Variants in SLC24A2 observed in about 807,000 individuals in gnomAD.
SLC24A2 encodes the protein sodium/potassium/calcium exchanger 2.
SLC24A2 carries 36 observed loss-of-function variants against 62.0 expected under a neutral mutation model. That is an observed-to-expected ratio of 0.58 (90% CI 0.44 to 0.77). SLC24A2 has a LOEUF of 0.77. Ranked by LOEUF, SLC24A2 falls within the 30% of genes least tolerant of loss-of-function variation. The pLI is 0.00. For synonymous variants in SLC24A2, 358 were observed against 294.0 expected, an observed-to-expected ratio of 1.22 and a Z score of -2.23; for missense variants, 846 against 817.9, an observed-to-expected ratio of 1.03 and a Z score of -0.42.
the SLC24A2 span, among the ~76,000 whole-genome samples, chr9:20,105,927 T>C: frequency 4.0e-5 from 6 of 151,688 alleles, no homozygotes; most frequent in Admixed American, 3.9e-4. Context: ...TTTGAAAGGA[T>C]CAACAAAATT....
At chr9:20,065,352 A>G in the SLC24A2 span, among the ~76,000 whole-genome samples, 1 of 152,188 alleles carries the variant, frequency 6.6e-6, no homozygotes, top group Non-Finnish European at 1.5e-5. Flanking sequence ...ACAGGTTCCC[A>G]TCTCATCCAG....
chr9:20,114,322 C>T, the SLC24A2 span, among the ~76,000 whole-genome samples: 2 of 152,226 alleles, frequency 1.3e-5, no homozygotes, highest in South Asian at 4.2e-4. Flanking sequence ...TGTGGAAAAA[C>T]CTTATGACAC....
the SLC24A2 span, among the ~76,000 whole-genome samples, chr9:20,096,109 G>A: frequency 8.9e-5 from 13 of 146,624 alleles, no homozygotes; most frequent in East Asian, 5.9e-4. Context: ...CCGTCCGTCC[G>A]TCCGTCCGTC....
chr9:19,912,734 A>G, the SLC24A2 span, among the ~76,000 whole-genome samples: 1 of 152,162 alleles, frequency 6.6e-6, no homozygotes, highest in Non-Finnish European at 1.5e-5. Flanking sequence ...CCAGTGGTGG[A>G]TACTATCCCA....
the SLC24A2 span, among the ~76,000 whole-genome samples, chr9:20,094,421 G>A: frequency 6.6e-6 from 1 of 152,288 alleles, no homozygotes; most frequent in Admixed American, 6.5e-5. Flanking sequence ...GCGAGTATTT[G>A]TGGTCAACGA....
At chr9:19,814,158 C>A in the SLC24A2 span, among the ~76,000 whole-genome samples, 1 of 152,236 alleles carries the variant, frequency 6.6e-6, no homozygotes, top group Admixed American at 6.5e-5. Context: ...ACTGATATCT[C>A]ATTGTCCAGA....
At chr9:19,705,242 T>C (rs1313628483) in intron 2 of SLC24A2, 2 of 152,202 alleles carry the variant, frequency 1.3e-5, no homozygotes, top group Admixed American at 1.3e-4. Context: ...AAGACATTTA[T>C]TATAAAGGAA....
At chr9:19,519,929 T>C (rs1273713911) in intron 10 of SLC24A2, among the ~76,000 whole-genome samples, 2 of 152,230 alleles carry the variant, frequency 1.3e-5, no homozygotes, top group Non-Finnish European at 2.9e-5. Flanking sequence ...AAATCCTACC[T>C]ACCTCATTTA....
chr9:19,849,315 C>T, the SLC24A2 span, among the ~76,000 whole-genome samples: 8 of 152,158 alleles, frequency 5.3e-5, no homozygotes, highest in African/African-American at 1.7e-4. Context: ...CACGTCTGTA[C>T]ACTTGTGAAA....
At chr9:19,952,041 G>A in the SLC24A2 span, among the ~76,000 whole-genome samples, 1 of 152,026 alleles carries the variant, frequency 6.6e-6, no homozygotes, top group Non-Finnish European at 1.5e-5. Flanking sequence ...AAGTCTTGCA[G>A]AATTTTGTTA....
chr9:20,212,566 C>G, the SLC24A2 span, among the ~76,000 whole-genome samples: 5 of 151,622 alleles, frequency 3.3e-5, no homozygotes, highest in Admixed American at 1.3e-4. Context: ...TCCATCTATA[C>G]TATGTATATA....
the SLC24A2 span, among the ~76,000 whole-genome samples, chr9:20,298,198 T>C: frequency 6.6e-6 from 1 of 152,134 alleles, no homozygotes; most frequent in African/African-American, 2.4e-5. Flanking sequence ...CCATTGTGAG[T>C]GTGAGGAAAT....
the SLC24A2 span, among the ~76,000 whole-genome samples, chr9:20,050,689 T>C: frequency 2.6e-5 from 4 of 152,218 alleles, no homozygotes; most frequent in African/African-American, 9.6e-5. Flanking sequence ...ATGACGTGAA[T>C]ACATTACCCA....
At chr9:19,902,610 T>G in the SLC24A2 span, among the ~76,000 whole-genome samples, 1 of 152,150 alleles carries the variant, frequency 6.6e-6, no homozygotes, top group Admixed American at 6.5e-5. Flanking sequence ...GTTCTTTGTA[T>G]TTAATAAAGG....
chr9:19,806,118 T>G, the SLC24A2 span, among the ~76,000 whole-genome samples: 1 of 152,168 alleles, frequency 6.6e-6, no homozygotes, highest in African/African-American at 2.4e-5. Context: ...AATTTTATTT[T>G]AAAAATATAA....
At chr9:20,060,585 A>G in the SLC24A2 span, among the ~76,000 whole-genome samples, 1 of 152,186 alleles carries the variant, frequency 6.6e-6, no homozygotes, top group Non-Finnish European at 1.5e-5. Flanking sequence ...AACATTCAAC[A>G]AAACCCAACA....
the SLC24A2 span, among the ~76,000 whole-genome samples, chr9:20,103,789 C>A: frequency 6.6e-6 from 1 of 151,772 alleles, no homozygotes; most frequent in Non-Finnish European, 1.5e-5. Flanking sequence ...AAAAGCAGAG[C>A]GCCCCTCCTC....
the SLC24A2 span, among the ~76,000 whole-genome samples, chr9:20,158,814 C>G: frequency 6.6e-6 from 1 of 151,476 alleles, no homozygotes; most frequent in Non-Finnish European, 1.5e-5. Context: ...CATATTTAAA[C>G]TATAACTAAA....
At chr9:20,269,603 A>G in the SLC24A2 span, among the ~76,000 whole-genome samples, 1 of 152,114 alleles carries the variant, frequency 6.6e-6, no homozygotes, top group Non-Finnish European at 1.5e-5. Flanking sequence ...ATGTCCTTTA[A>G]TATCCAGATA....
Sources: allele counts gnomAD v4.1 joint callset (sites outside exome capture counted in the v4.1 genomes callset), GRCh38; gene constraint gnomAD v4.1.1; transcripts MANE v1.5; gene names NCBI Gene and HGNC (gene_info 2026-07-23, HGNC 2026-07-21).